The following DSP variants were observed in gnomAD, a reference collection of about 807,000 sequenced individuals.
DSP encodes desmoplakin, also known as 250/210 kDa paraneoplastic pemphigus antigen.
Under a neutral mutation model 290.6 loss-of-function variants are expected in DSP, and 114 were observed. The observed-to-expected ratio is 0.39, with a 90% CI of 0.34 to 0.46. The LOEUF (loss-of-function observed/expected upper bound fraction) is 0.46, where lower values mean the gene tolerates loss of function less well. Ranked by LOEUF, DSP falls within the 20% of genes least tolerant of loss-of-function variation. The probability of loss-of-function intolerance (pLI) is 0.99; values close to 1 mark genes in which losing one functional copy is unlikely to be tolerated. For synonymous variants in DSP, 1,311 were observed against 1,316.4 expected, an observed-to-expected ratio of 1.00 and a Z score of 0.09; for missense variants, 3,230 against 3,495.8, an observed-to-expected ratio of 0.92 and a Z score of 1.92.
At position 7,566,381 on chromosome 6, in the gene DSP, G is replaced by A. The variant is rs558825586; in HGVS notation, c.944G>A (p.Arg315His). ...TTCTTATTTCTTCATTCACAGATAC[G>A]CATGAGTCAACTGGAAGTTAAAGAA... ...IAQKQEAFSI[R>H]MSQLEVKEKE... is the part of the protein sequence containing the mutation. The change falls in exon 8 of 24, where the codon CGC (arginine) becomes CAC (histidine). Residue 315 changes from arginine to histidine, a missense_variant. Physicochemically the swap from Arg to His is conservative, Grantham distance 29. Around this residue, in one of 5 missense-constraint regions of DSP, gnomAD observed 646 missense variants for 684.3 expected, o/e 0.94. Transcript: ENST00000379802. The A allele has an allele frequency of 6.8e-6, 11 of 1,612,392 alleles. No individual in the cohort carries two copies. Among genetic ancestry groups the A allele is most frequent in the South Asian group, 2.2e-5 (2 of 91,052 alleles).
chr6:7,579,259 T>G lies in DSP; in HGVS notation c.3085-16T>G. The G allele has an allele frequency of 6.2e-7, 1 of 1,613,876 alleles. No individual in the cohort carries two copies. The highest frequency in any genetic ancestry group is 8.5e-7 in the Non-Finnish European group (1 of 1,179,892). Reference sequence around the variant, plus strand: ...GGTGTTTTTCTTTTGACATAATCTCTGATTTCATTCCACAGCTGAAAAATA... The same window carrying G: ...GGTGTTTTTCTTTTGACATAATCTCGGATTTCATTCCACAGCTGAAAAATA... On this transcript the variant is annotated splice_polypyrimidine_tract_variant and intron_variant, in intron 22 of 23. Transcript: ENST00000379802. This position sits in a 1 kb window ranked among gnomAD's most constrained non-coding sequence, Gnocchi z 4.1.
In DSP at chr6:7,565,592, A is replaced by G; in HGVS notation, c.939+72A>G. 2 of 1,572,068 alleles carry G rather than the reference A, an allele frequency of 1.3e-6. No homozygotes were observed. The highest frequency in any genetic ancestry group is 1.7e-6 in the Non-Finnish European group (2 of 1,144,066). On this transcript the variant is annotated intron_variant, in intron 7 of 23. Coordinates refer to ENST00000379802, the MANE Select transcript of DSP (RefSeq NM_004415.4). The surrounding 1 kb of genome is among the most constrained non-coding windows in gnomAD (Gnocchi z 4.2). ...CCTTGAAGAGCTGGGGTCTCGGGGA[A>G]TGATTGGTCTATTAATAATTTAATC...
intron 1 of DSP, among the ~76,000 whole-genome samples, chr6:7,554,082 A>AACACACACAC (rs10658102): frequency 0.083 from 9,646 of 115,812 alleles, 530 homozygotes; most frequent in East Asian, 0.13. Flanking sequence ...CTTTCTTTAA[A>AACACACACAC]ACACACACAC....
At chr6:7,548,280 GA>G (rs1342953850) in intron 1 of DSP, among the ~76,000 whole-genome samples, 1 of 151,656 alleles carries the variant, frequency 6.6e-6, no homozygotes, top group Non-Finnish European at 1.5e-5. Flanking sequence ...AAAAAAGAAA[GA>G]AAGAAATTTC....
At position 7,582,789 on chromosome 6, in the gene DSP, CTA is replaced by C; in HGVS notation, c.5528_5529del (p.Leu1843ArgfsTer13). 6.2e-7 allele frequency: 1 copy of C among 1,613,976 alleles called. No individual in the cohort carries two copies. Among genetic ancestry groups the C allele is most frequent in the Non-Finnish European group, 8.5e-7 (1 of 1,180,006 alleles). ...TGAGCTGAATCGTGCAAAATCAACT[CTA>C]GAGGCAGAAACCAGGGTGAAACAGC... ...EDELNRAKST[L>X]EAETRVKQRL... On this transcript the variant is annotated frameshift_variant, in exon 24 of 24. Coordinates refer to ENST00000379802, the MANE Select transcript of DSP (RefSeq NM_004415.4). LOFTEE classifies it high-confidence loss of function. This position sits in a 1 kb window ranked among gnomAD's most constrained non-coding sequence, Gnocchi z 4.2.
chr6:7,550,133 G>C (rs1758292969), intron 1 of DSP, among the ~76,000 whole-genome samples: 1 of 151,886 alleles, frequency 6.6e-6, no homozygotes, highest in African/African-American at 2.4e-5. Context: ...TGCCTCCCAG[G>C]TTCAACCATC....
Position 7,567,363 on chromosome 6 carries a change from G to A in DSP, c.1054G>A (p.Asp352Asn). 1 of 1,613,976 alleles carries A rather than the reference G, an allele frequency of 6.2e-7. No homozygotes were observed. Among genetic ancestry groups the A allele is most frequent in the Non-Finnish European group, 8.5e-7 (1 of 1,179,970 alleles). The part of the protein sequence containing the change: ...PASDKIEAYM[D>N]TLQTQWSWIL... ...CATTTTCTTGTTTCAGGCCTATATG[G>A]ACACTCTGCAGACGCAGTGGAGTTG... The change falls in exon 9 of 24, where the codon GAC (aspartate) becomes AAC (asparagine). Residue 352 changes from aspartate to asparagine, a missense_variant. Around this residue, in one of 5 missense-constraint regions of DSP, gnomAD observed 646 missense variants for 684.3 expected, o/e 0.94. Coordinates refer to ENST00000379802, the MANE Select transcript of DSP (RefSeq NM_004415.4).
intron 20 of DSP, 146 bp from the exon 21 acceptor site, chr6:7,577,633 T>C (rs912548813): frequency 1.2e-4 from 86 of 745,998 alleles, no homozygotes; most frequent in Non-Finnish European, 1.5e-4. Context: ...AATGTAGTAT[T>C]AGTTGCTTGG....
In DSP at chr6:7,581,331, C is replaced by T; in HGVS notation, c.5141C>T (p.Thr1714Ile). The T allele has an allele frequency of 1.2e-6, 2 of 1,614,152 alleles. No homozygotes were observed. Among genetic ancestry groups the T allele is most frequent in the South Asian group, 1.1e-5 (1 of 91,076 alleles). The change falls in exon 23 of 24, where the codon ACC (threonine) becomes ATC (isoleucine). Residue 1714 changes from threonine to isoleucine, a missense_variant. Coordinates refer to ENST00000379802, the MANE Select transcript of DSP (RefSeq NM_004415.4). ...ERLQSLTENL[T>I]KEHLMLEEEL... Reference sequence around the variant, plus strand: ...CTGCAGTCTCTCACAGAGAACCTGACCAAGGAGCACTTGATGTTAGAAGAA... The same window carrying T: ...CTGCAGTCTCTCACAGAGAACCTGATCAAGGAGCACTTGATGTTAGAAGAA...
chr6:7,571,609 T>C (rs1456688658), intron 14 of DSP, 25 bp downstream of exon 14: 1 of 1,613,684 alleles, frequency 6.2e-7, no homozygotes, highest in Admixed American at 1.7e-5. Context: ...TCTTTCTCTT[T>C]GTATCAACCA....
chr6:7,559,270 T>A lies in DSP; in HGVS notation c.467T>A (p.Ile156Asn), dbSNP rs767692014. ...QEQMRALYKA[I>N]SVPRVRRASS... ...CAAATGCGAGCCCTTTATAAAGCCA[T>A]CAGTGTCCCTCGAGTCCGCAGGGCC... The change falls in exon 4 of 24, where the codon ATC becomes AAC. Residue 156 changes from isoleucine (I) to asparagine (N), a missense_variant. By Grantham distance (149) the Ile-to-Asn change is moderately radical (BLOSUM62 -3). Coordinates refer to ENST00000379802, the MANE Select transcript of DSP (RefSeq NM_004415.4). The A allele has an allele frequency of 3.7e-6, 6 of 1,613,872 alleles. No homozygotes were observed. In the African/African-American group the frequency reaches 6.7e-5, roughly 18 times the overall value.
chr6:7,550,282 T>C (rs962778788), intron 1 of DSP, among the ~76,000 whole-genome samples: 1 of 151,800 alleles, frequency 6.6e-6, no homozygotes, highest in African/African-American at 2.4e-5. Flanking sequence ...CTTAAACTCC[T>C]GGGTTCAAGC....
At chr6:7,561,592 C>A (rs58684971) in intron 4 of DSP, among the ~76,000 whole-genome samples, 21 of 152,100 alleles carry the variant, frequency 1.4e-4, no homozygotes, top group African/African-American at 4.6e-4. Context: ...AATGAGACGC[C>A]TGAGCTGGAG....
chr6:7,548,158 T>G (rs1405204715), intron 1 of DSP, among the ~76,000 whole-genome samples: 1 of 151,066 alleles, frequency 6.6e-6, no homozygotes, highest in East Asian at 2.0e-4. Context: ...TCGCAACTGC[T>G]CAGGAGGCTG....
At chr6:7,567,509 T>C in intron 9 of DSP, 60 bp downstream of exon 9, 1 of 1,408,090 alleles carries the variant, frequency 7.1e-7, no homozygotes, top group South Asian at 1.2e-5. Context: ...ATCTTTTGAG[T>C]GTGTTTTATA....
At chr6:7,555,678 G>T in intron 1 of DSP, 40 bp from the exon 2 acceptor site, 2 of 1,581,036 alleles carry the variant, frequency 1.3e-6, no homozygotes, top group African/African-American at 1.3e-5. Context: ...AATTGAAATA[G>T]GTTATTTGAT....
At chr6:7,567,544 T>C (rs1758898653) in intron 9 of DSP, 95 bp downstream of exon 9, 5 of 1,263,392 alleles carry the variant, frequency 4.0e-6, no homozygotes. Flanking sequence ...ATCTTCAAAA[T>C]GTTGCATAAA....
rs747807669 is a variant in DSP, at chr6:7,541,907, C to T, written c.-9C>T. 6.2e-7 allele frequency: 1 copy of T among 1,602,706 alleles called. No homozygotes were observed. The highest frequency in any genetic ancestry group is 8.5e-7 in the Non-Finnish European group (1 of 1,176,896). On this transcript the variant is annotated 5_prime_UTR_variant, in exon 1 of 24. Transcript: ENST00000379802. ...CGGCGCTGAGCCGCTCTCCCGATTG[C>T]CCGCCGACATGAGCTGCAACGGAGG...
chr6:7,565,909 T>G lies in DSP; in HGVS notation c.939+389T>G, dbSNP rs957490498. On this transcript the variant is annotated intron_variant, in intron 7 of 23. Coordinates refer to ENST00000379802, the MANE Select transcript of DSP (RefSeq NM_004415.4). The surrounding 1 kb of genome is among the most constrained non-coding windows in gnomAD (Gnocchi z 4.2). ...CTTAATCGTGGGTGATGAAATAACC[T>G]GTACAACAAATCCCTGTGATACAAG... The G allele has an allele frequency of 2.9e-6, 1 of 343,706 alleles. No homozygotes were observed. Among genetic ancestry groups the G allele is most frequent in the Non-Finnish European group, 5.5e-6 (1 of 180,294 alleles). The allele number at this position is 343,706 out of a possible 1,614,324, so 21.3% of individuals were successfully genotyped here. A position where few individuals can be genotyped will look rare whatever the true frequency, so the allele number is the denominator to read the frequency against.
Sources: allele counts gnomAD v4.1 joint callset (sites outside exome capture counted in the v4.1 genomes callset), GRCh38; gene constraint gnomAD v4.1.1; regional missense constraint gnomAD v4.1.1; non-coding constraint Gnocchi (gnomAD v3.1); transcripts MANE v1.5; gene names NCBI Gene and HGNC (gene_info 2026-07-23, HGNC 2026-07-21).